The following DNAH9 variants were observed in gnomAD, a reference collection of about 807,000 sequenced individuals.
The protein encoded by DNAH9 is dynein axonemal heavy chain 9.
A neutral mutation model predicts 471.6 loss-of-function variants in DNAH9; 345 were observed. The ratio of observed to expected loss-of-function variants is 0.73; its 90% CI spans 0.67 to 0.80. The LOEUF (loss-of-function observed/expected upper bound fraction) is 0.80, where lower values mean the gene tolerates loss of function less well. DNAH9 is among the 30% of genes least tolerant of loss of function. DNAH9 has a pLI of 0.00. For missense variants in DNAH9, 5,407 were observed against 5,609.2 expected, an observed-to-expected ratio of 0.96 and a Z score of 1.15; for synonymous variants, 2,093 against 2,123.6, an observed-to-expected ratio of 0.99 and a Z score of 0.40.
In DNAH9 at chr17:11,680,753, A is replaced by G. The variant is rs2074119753; in HGVS notation, c.3607A>G (p.Lys1203Glu). The G allele has an allele frequency of 1.9e-6, 3 of 1,614,100 alleles. No individual in the cohort carries two copies. In the African/African-American group the frequency reaches 4.0e-5, roughly 22 times the overall value. Residue 1203 changes from lysine to glutamate, a missense_variant, in exon 19 of 69, where the codon AAG (lysine) becomes GAG (glutamate). By Grantham distance (56) the Lys-to-Glu change is moderately conservative (BLOSUM62 1). Around this residue, in one of 3 missense-constraint regions of DNAH9, gnomAD observed 4,636 missense variants for 4,900.3 expected, o/e 0.95. Transcript: ENST00000262442. ...GCCTGAGAAATGGAACAACATAAAA[A>G]AGGTGGCCATTACTGTGAAGCAGCA... ...ELPEKWNNIK[K>E]VAITVKQQVA... is the part of the protein sequence containing the mutation.
intron 18 of DNAH9, among the ~76,000 whole-genome samples, chr17:11,680,224 G>A (rs571535830): frequency 1.3e-4 from 20 of 150,466 alleles, no homozygotes; most frequent in African/African-American, 4.9e-4. Context: ...CCATAGAAAT[G>A]AACCAATGTT....
intron 2 of DNAH9, among the ~76,000 whole-genome samples, chr17:11,610,185 ATT>A (rs138366849): frequency 2.7e-5 from 4 of 149,438 alleles, no homozygotes; most frequent in African/African-American, 7.4e-5. Flanking sequence ...ACACATAAGC[ATT>A]TTTTTTTTCT....
At chr17:11,746,393 CAG>C (rs1446061695) in intron 31 of DNAH9, among the ~76,000 whole-genome samples, 1 of 152,204 alleles carries the variant, frequency 6.6e-6, no homozygotes, top group Admixed American at 6.5e-5. Context: ...ACATTTATCA[CAG>C]ATCTAATTAA....
chr17:11,781,699 G>T (rs1473744775), intron 39 of DNAH9, among the ~76,000 whole-genome samples: 1 of 152,004 alleles, frequency 6.6e-6, no homozygotes, highest in African/African-American at 2.4e-5. Context: ...AGGCGTGATG[G>T]CAGGCGCCTG....
At chr17:11,880,232 G>T (rs200856608) in intron 54 of DNAH9, 32 bp downstream of exon 54, 364 of 1,608,674 alleles carry the variant, frequency 2.3e-4, no homozygotes, top group African/African-American at 2.8e-4. Context: ...GACCCTTCGG[G>T]GGGAGCTGGT....
At position 11,807,879 on chromosome 17, in the gene DNAH9, G is replaced by C; in HGVS notation, c.8568G>C (p.Gln2856His). The C allele has an allele frequency of 6.2e-7, 1 of 1,605,778 alleles. No homozygotes were observed. The highest frequency in any genetic ancestry group is 8.5e-7 in the Non-Finnish European group (1 of 1,173,200). The change falls in exon 44 of 69, where the codon CAG (glutamine) becomes CAC (histidine). Residue 2856 changes from glutamine to histidine, a missense_variant. Gln to His is a conservative substitution (Grantham distance 24). Transcript: ENST00000262442. ...AGATCACACTGCGCAAAGGCTACCA[G>C]ATCCAGGACTTCAAGGTAAAAGGTC... is the stretch of plus-strand genomic sequence containing the variant. ...VFQITLRKGY[Q>H]IQDFKMDLAS...
chr17:11,861,250 C>T (rs1365716603), intron 50 of DNAH9, among the ~76,000 whole-genome samples: 1 of 151,648 alleles, frequency 6.6e-6, no homozygotes, highest in Admixed American at 6.6e-5. Flanking sequence ...TTGTTCAATT[C>T]CCACCTATGA....
chr17:11,883,213 TAG>T, intron 55 of DNAH9: 1 of 1,000,212 alleles, frequency 1.0e-6, no homozygotes, highest in South Asian at 4.5e-5. Context: ...AAATTGGTAA[TAG>T]AGAGAACTCT....
chr17:11,640,191 C>G (rs1300433840), intron 9 of DNAH9, 79 bp from the exon 10 acceptor site: 2 of 797,944 alleles, frequency 2.5e-6, no homozygotes, highest in Admixed American at 2.3e-5. Flanking sequence ...AAGTGGAGTA[C>G]TTGGTGGGAG....
chr17:11,598,960 G>GGGGT, intron 1 of DNAH9, 45 bp downstream of exon 1: 1 of 1,366,488 alleles, frequency 7.3e-7, no homozygotes, highest in Non-Finnish European at 9.6e-7. Context: ...CTGGGTGGGG[G>GGGGT]AGGGGAGGAG....
rs193167569 is a variant in DNAH9 at position 11,826,619 on chromosome 17, C to A, written c.9246+3585C>A. Among the ~76,000 whole-genome samples, 222 of 151,170 alleles carry A rather than the reference C, an allele frequency of 1.5e-3. 4 individuals carry two copies. In the East Asian group the frequency reaches 0.036, roughly 25 times the overall value. On this transcript the variant is annotated intron_variant, in intron 48 of 68. Transcript: ENST00000262442. The stretch of plus-strand genomic sequence containing the variant: ...GACTACAGGTGCCTGCCACCATGCC[C>A]GGCTAATTTTTTTTTTGTATGTTTA...
Position 11,835,025 on chromosome 17 carries a change from A to T in DNAH9, c.9507+127A>T, listed in dbSNP as rs1051029137. ...TTAGGGTGGGCTCCAACTGTCACTG[A>T]TTTGCTCATTAAGCAAGCAAACATT... On this transcript the variant is annotated intron_variant, in intron 49 of 68. Coordinates refer to ENST00000262442, the MANE Select transcript of DNAH9 (RefSeq NM_001372.4). 5 of 1,258,998 alleles carry T rather than the reference A, an allele frequency of 4.0e-6. No individual in the cohort carries two copies. In the African/African-American group the frequency reaches 6.1e-5, roughly 15 times the overall value. The allele number at this position is 1,258,998 out of a possible 1,614,324, so 78.0% of individuals were successfully genotyped here.
At chr17:11,674,543 T>C (rs189943592) in intron 17 of DNAH9, among the ~76,000 whole-genome samples, 36 of 152,352 alleles carry the variant, frequency 2.4e-4, no homozygotes, top group Admixed American at 1.8e-3. Flanking sequence ...GGACTTTTTT[T>C]TCCTTTTTGA....
At chr17:11,736,607 A>G (rs2075351846) in intron 28 of DNAH9, among the ~76,000 whole-genome samples, 1 of 152,240 alleles carries the variant, frequency 6.6e-6, no homozygotes, top group Non-Finnish European at 1.5e-5. Context: ...AGTTGCTGCT[A>G]AAGCCTGTCC....
chr17:11,699,652 A>C, intron 22 of DNAH9, 79 bp from the exon 23 acceptor site: 1 of 1,300,800 alleles, frequency 7.7e-7, no homozygotes, highest in East Asian at 2.3e-5. Context: ...TGATTGCCAC[A>C]TGGTAGGCCT....
At chr17:11,601,109 C>T (rs769994770) in intron 1 of DNAH9, among the ~76,000 whole-genome samples, 23 of 152,302 alleles carry the variant, frequency 1.5e-4, no homozygotes, top group Admixed American at 3.9e-4. Context: ...TCATCCATAT[C>T]GTCACCGCCT....
At chr17:11,805,089 A>G (rs1969617461) in intron 43 of DNAH9, among the ~76,000 whole-genome samples, 1 of 152,032 alleles carries the variant, frequency 6.6e-6, no homozygotes, top group African/African-American at 2.4e-5. Flanking sequence ...TTCAGTGTCA[A>G]CAAGGGTTGG....
intron 19 of DNAH9, among the ~76,000 whole-genome samples, chr17:11,682,736 C>T (rs771852752): frequency 7.9e-5 from 12 of 152,086 alleles, no homozygotes; most frequent in Admixed American, 1.3e-4. Flanking sequence ...TTTCTGGAGG[C>T]GAGACCTGTG....
At position 11,611,680 on chromosome 17, in the gene DNAH9, A is replaced by C. The variant is rs569357035; in HGVS notation, c.804A>C (p.Gln268His). ...RYEDLKYIYN[Q>H]LRTITVRGMA... ...AAGATCTGAAATACATCTATAATCA[A>C]CTGAGAACAATAACGGTGAGGGGCA... is the stretch of plus-strand genomic sequence containing the variant. Residue 268 changes from glutamine (Q) to histidine (H), a missense_variant, in exon 4 of 69, where the codon CAA becomes CAC. Physicochemically the swap from Gln to His is conservative, Grantham distance 24 (BLOSUM62 0). Around this residue, in one of 3 missense-constraint regions of DNAH9, gnomAD observed 767 missense variants for 692.5 expected, o/e 1.11. Coordinates refer to ENST00000262442, the MANE Select transcript of DNAH9 (RefSeq NM_001372.4). The C allele has an allele frequency of 6.2e-7, 1 of 1,614,044 alleles. No homozygotes were observed. Among genetic ancestry groups the C allele is most frequent in the East Asian group, 2.2e-5 (1 of 44,878 alleles).
Sources: gnomAD v4.1 joint callset for allele counts (sites outside exome capture counted in the v4.1 genomes callset) on GRCh38, gnomAD v4.1.1 for gene constraint, gnomAD v4.1.1 regional missense constraint, MANE v1.5 for transcripts, NCBI Gene and HGNC (gene_info 2026-07-23, HGNC 2026-07-21) for gene names.